Variants in TP73 observed in about 807,000 individuals in gnomAD.
TP73 encodes the protein tumor protein p73.
TP73 carries 25 observed loss-of-function variants against 62.5 expected under a neutral mutation model. The observed-to-expected ratio is 0.40, with a 90% CI of 0.29 to 0.56. TP73 has a LOEUF of 0.56. TP73 is among the 20% of genes least tolerant of loss of function. The pLI is 0.46. For synonymous variants in TP73, 423 were observed against 377.5 expected (o/e 1.12, Z -1.40); for missense variants, 754 against 913.3 (o/e 0.83, Z 2.25).
chr1:3,656,746 G>T (rs1000868729), intron 1 of TP73, among the ~76,000 whole-genome samples: 1 of 152,214 alleles, frequency 6.6e-6, no homozygotes, highest in Non-Finnish European at 1.5e-5. Flanking sequence ...CATTCAGGCC[G>T]GAAGGGCCCT....
At chr1:3,724,798 C>G (rs1381789318) in intron 6 of TP73, among the ~76,000 whole-genome samples, 1 of 152,222 alleles carries the variant, frequency 6.6e-6, no homozygotes, top group Non-Finnish European at 1.5e-5. Context: ...GCGGGTGGAT[C>G]ACTTGAGGTT....
chr1:3,735,533 G>C lies in TP73; in HGVS notation c.*2454G>C, dbSNP rs1642410688. On this transcript the variant is annotated 3_prime_UTR_variant, in exon 14 of 14. Transcript: ENST00000378295. ...GGAGCCCATGCAGCCTCCTTGCACT[G>C]GAGAAGCAGCTGTGAAAGTAGACAG... is the stretch of plus-strand genomic sequence containing the variant. 3 of 152,234 alleles carry C rather than the reference G, an allele frequency of 2.0e-5. No individual in the cohort carries two copies. Among genetic ancestry groups the C allele is most frequent in the Admixed American group, 2.0e-4 (3 of 15,284 alleles). 9.4% of individuals were successfully genotyped at this position (152,234 alleles called of 1,614,324 possible). A position where few individuals can be genotyped will look rare whatever the true frequency, so the allele number is the denominator to read the frequency against.
At chr1:3,656,072 A>G (rs1209275650) in intron 1 of TP73, among the ~76,000 whole-genome samples, 1 of 151,802 alleles carries the variant, frequency 6.6e-6, no homozygotes, top group Non-Finnish European at 1.5e-5. Flanking sequence ...GCTACCCAGG[A>G]GGCTGAGGCA....
Position 3,706,320 on chromosome 1 carries a change from C to T in TP73, c.187-1229C>T, listed in dbSNP as rs564003462. Among the ~76,000 whole-genome samples the T allele has an allele frequency of 2.5e-4, 38 of 151,088 alleles. 1 individual carries two copies. The highest frequency in any genetic ancestry group is 2.1e-3 in the South Asian group (10 of 4,790). On this transcript the variant is annotated intron_variant, in intron 3 of 13. Transcript: ENST00000378295. Reference sequence around the variant, plus strand: ...AAATGGGGACAATCATGGTGCCCACCGCAGGCCTGGGGAGAGGGGTAATAG... The same window carrying T: ...AAATGGGGACAATCATGGTGCCCACTGCAGGCCTGGGGAGAGGGGTAATAG...
intron 3 of TP73, among the ~76,000 whole-genome samples, chr1:3,684,256 G>A (rs1645594366): frequency 6.6e-6 from 1 of 152,242 alleles, no homozygotes; most frequent in Admixed American, 6.5e-5. Context: ...ATTCGTAGGT[G>A]GGGAATTTGT....
At chr1:3,719,118 G>A (rs562642347) in intron 4 of TP73, among the ~76,000 whole-genome samples, 3 of 151,994 alleles carry the variant, frequency 2.0e-5, no homozygotes, top group Non-Finnish European at 2.9e-5. Flanking sequence ...GAGCCACCCC[G>A]GCCGGGGTCT....
chr1:3,731,633 T>G, intron 13 of TP73, 77 bp downstream of exon 13: 1 of 1,322,676 alleles, frequency 7.6e-7, no homozygotes, highest in Non-Finnish European at 1.1e-6. Context: ...GAGCCTTCTC[T>G]TCCTTGCTCT....
In TP73 at chr1:3,732,874, T is replaced by C. The variant is rs745996110; in HGVS notation, c.1706T>C (p.Ile569Thr). ...CTCCGCTCTAGCAACGCGGCCACCA[T>C]CTCCATCGGCGGCTCAGGGGAACTG... ...QLLRSSNAATISIGGSGELQR... is the reference protein window; with the variant it reads ...QLLRSSNAATTSIGGSGELQR... The change falls in exon 14 of 14, where the codon ATC (isoleucine) becomes ACC (threonine). Residue 569 changes from isoleucine (I) to threonine (T), a missense_variant. Physicochemically the swap from Ile to Thr is moderately conservative, Grantham distance 89 (BLOSUM62 -1). Around this residue, in one of 3 missense-constraint regions of TP73, gnomAD observed 458 missense variants for 528.7 expected, o/e 0.87. Coordinates refer to ENST00000378295, the MANE Select transcript of TP73 (RefSeq NM_005427.4). The C allele has an allele frequency of 1.2e-6, 2 of 1,611,694 alleles. No individual in the cohort carries two copies. Among genetic ancestry groups the C allele is most frequent in the Admixed American group, 3.3e-5 (2 of 59,934 alleles).
At chr1:3,711,937 A>C (rs757564037) in intron 4 of TP73, among the ~76,000 whole-genome samples, 38 of 152,206 alleles carry the variant, frequency 2.5e-4, no homozygotes, top group Admixed American at 4.6e-4. Context: ...CCCCCCGTCC[A>C]GGAGGGACAT....
chr1:3,675,314 A>C (rs1645337617), intron 1 of TP73, among the ~76,000 whole-genome samples: 1 of 149,022 alleles, frequency 6.7e-6, no homozygotes, highest in Non-Finnish European at 1.5e-5. Context: ...CTCCTCCCAC[A>C]ATGGCCCAGG....
chr1:3,727,378 G>T, intron 7 of TP73, 154 bp downstream of exon 7: 4 of 944,310 alleles, frequency 4.2e-6, no homozygotes, highest in Non-Finnish European at 6.3e-6. Flanking sequence ...CCCCTGGCCT[G>T]CAGGGCCTGC....
chr1:3,698,304 G>C (rs79086369), intron 3 of TP73, among the ~76,000 whole-genome samples: 1 of 152,186 alleles, frequency 6.6e-6, no homozygotes, highest in Admixed American at 6.5e-5. Context: ...TCGTCTTCCC[G>C]GGCACTCGGC....
intron 3 of TP73, among the ~76,000 whole-genome samples, chr1:3,689,601 G>T (rs942597367): frequency 6.6e-6 from 1 of 152,148 alleles, no homozygotes; most frequent in Non-Finnish European, 1.5e-5. Context: ...GGGGGTGGGG[G>T]TGGGGAGCGA....
At chr1:3,690,041 C>A (rs1645770364) in intron 3 of TP73, among the ~76,000 whole-genome samples, 1 of 152,250 alleles carries the variant, frequency 6.6e-6, no homozygotes. Flanking sequence ...GCCGTCCACG[C>A]CTGCAGGGGG....
At chr1:3,710,431 G>A (rs944603589) in intron 4 of TP73, among the ~76,000 whole-genome samples, 10 of 152,158 alleles carry the variant, frequency 6.6e-5, no homozygotes, top group African/African-American at 2.2e-4. Context: ...CGGGCAGCCC[G>A]CTTGCTCCCA....
rs1233653009 is a variant in TP73 at position 3,663,430 on chromosome 1, A to G, written c.-34+10789A>G. Among the ~76,000 whole-genome samples the G allele has an allele frequency of 6.6e-6, 1 of 152,156 alleles. No homozygotes were observed. Among genetic ancestry groups the G allele is most frequent in the African/African-American group, 2.4e-5 (1 of 41,430 alleles). On this transcript the variant is annotated intron_variant, in intron 1 of 13. Transcript: ENST00000378295. The surrounding 1 kb of genome is among the most constrained non-coding windows in gnomAD (Gnocchi z 4.7). ...AGCACGGAGCGTGATGAAAGGATAC[A>G]GGCGGCTGGGCGTGGTGGCTCACGC...
rs1403952744 is a variant in TP73 at position 3,736,010 on chromosome 1, T to C, written c.*2931T>C. ...TACCAGTTAAAGCACTTTAATGCTT[T>C]AAGGTGAAAACGAAATCCCATCCGT... On this transcript the variant is annotated 3_prime_UTR_variant, in exon 14 of 14. Coordinates refer to ENST00000378295, the MANE Select transcript of TP73 (RefSeq NM_005427.4). 1 of 152,250 alleles carries C rather than the reference T, an allele frequency of 6.6e-6. No individual in the cohort carries two copies. Among genetic ancestry groups the C allele is most frequent in the Non-Finnish European group, 1.5e-5 (1 of 68,046 alleles). 9.4% of individuals were successfully genotyped at this position (152,250 alleles called of 1,614,324 possible).
At chr1:3,728,065 C>G in intron 8 of TP73, 64 bp from the exon 9 acceptor site, 1 of 1,493,866 alleles carries the variant, frequency 6.7e-7, no homozygotes, top group Non-Finnish European at 9.1e-7. Context: ...CTCCCTCCTC[C>G]CGGAAGGAGG....
At chr1:3,659,382 G>T (rs1644941415) in intron 1 of TP73, 1 of 152,138 alleles carries the variant, frequency 6.6e-6, no homozygotes, top group Non-Finnish European at 1.5e-5. Context: ...AGTATTTCAA[G>T]TCGTCCAGCC....
Sources: gnomAD v4.1 joint callset for allele counts (sites outside exome capture counted in the v4.1 genomes callset) on GRCh38, gnomAD v4.1.1 for gene constraint, gnomAD v4.1.1 regional missense constraint, Gnocchi (gnomAD v3.1) non-coding constraint, MANE v1.5 for transcripts, NCBI Gene and HGNC (gene_info 2026-07-23, HGNC 2026-07-21) for gene names.